KLHL28: variants seen among roughly 807,000 people sequenced by gnomAD.
KLHL28 encodes kelch-like protein 28.
A neutral mutation model predicts 48.3 loss-of-function variants in KLHL28; 22 were observed. That is an observed-to-expected ratio of 0.46 (90% confidence interval 0.33 to 0.65). KLHL28 has a LOEUF of 0.65. Among genes scored for constraint, KLHL28 ranks in the 30% least tolerant of loss-of-function variants. The pLI, the probability that KLHL28 is intolerant of heterozygous loss-of-function variation, is 0.03. For missense variants in KLHL28, 527 were observed against 704.3 expected (o/e 0.75, Z 2.85); for synonymous variants, 243 against 242.4 (o/e 1.00, Z -0.02).
rs777944814 is a variant in KLHL28, at chr14:44,924,585, G to T, written c.*4443C>A. 3 of 152,526 alleles carry T rather than the reference G, an allele frequency of 2.0e-5. No homozygotes were observed. Among genetic ancestry groups the T allele is most frequent in the Non-Finnish European group, 4.4e-5 (3 of 68,002 alleles). 9.4% of individuals were successfully genotyped at this position (152,526 alleles called of 1,614,324 possible). ...CACAACTAGATCACATTCTTTGCAA[G>T]AGAGTACAAATATTAGTACTCTACA... On this transcript the variant is annotated 3_prime_UTR_variant, in exon 5 of 5. Coordinates refer to ENST00000396128, the MANE Select transcript of KLHL28 (RefSeq NM_017658.5).
intron 2 of KLHL28, among the ~76,000 whole-genome samples, chr14:44,939,289 C>A (rs1883973063): frequency 6.6e-6 from 1 of 152,130 alleles, no homozygotes; most frequent in Non-Finnish European, 1.5e-5. Flanking sequence ...GGAGGTACAG[C>A]CTCAAAGATC....
chr14:44,940,983 C>T (rs1256553951), intron 2 of KLHL28, among the ~76,000 whole-genome samples: 1 of 151,972 alleles, frequency 6.6e-6, no homozygotes, highest in African/African-American at 2.4e-5. Flanking sequence ...GCCTGTAATC[C>T]CAGGTACTCA....
chr14:44,938,057 C>T lies in KLHL28; in HGVS notation c.900-3499G>A, dbSNP rs185918270. Among the ~76,000 whole-genome samples the T allele has an allele frequency of 3.3e-5, 5 of 152,270 alleles. No individual in the cohort carries two copies. In the East Asian group the frequency reaches 5.8e-4, roughly 18 times the overall value. On this transcript the variant is annotated intron_variant, in intron 2 of 4. Coordinates refer to ENST00000396128, the MANE Select transcript of KLHL28 (RefSeq NM_017658.5). ...AATTTTGCCCCTGGCCCTCAAAATT[C>T]GTGTCCTTCTCACATGCAAAATATA... is the stretch of plus-strand genomic sequence containing the variant.
rs1461092906 is a variant in KLHL28, at chr14:44,934,440, C to T, written c.1018G>A (p.Ala340Thr). 6.2e-7 allele frequency: 1 copy of T among 1,614,108 alleles called. No individual in the cohort carries two copies. The highest frequency in any genetic ancestry group is 1.1e-5 in the South Asian group (1 of 91,072). ...DQKVYVIGGIATNVRPGVTIR... is the reference protein window; with the variant it reads ...DQKVYVIGGITTNVRPGVTIR... ...GTGACGCCAGGACGCACATTAGTTG[C>T]AATACCACCTATAACATATACTTTT... is the stretch of plus-strand genomic sequence containing the variant. Residue 340 changes from alanine to threonine, a missense_variant, in exon 3 of 5, where the codon GCA (alanine) becomes ACA (threonine). By Grantham distance (58) the Ala-to-Thr change is moderately conservative. Coordinates refer to ENST00000396128, the MANE Select transcript of KLHL28 (RefSeq NM_017658.5).
At chr14:44,960,757 C>A (rs1885027259) in intron 1 of KLHL28, 3 of 130,490 alleles carry the variant, frequency 2.3e-5, no homozygotes, top group East Asian at 2.9e-4. Context: ...ATATTCAAAT[C>A]GTACTTTAAG....
Position 44,945,904 on chromosome 14 carries a change from T to G in KLHL28, c.25A>C (p.Met9Leu). The G allele has an allele frequency of 1.2e-6, 2 of 1,613,390 alleles. No individual in the cohort carries two copies. Among genetic ancestry groups the G allele is most frequent in the South Asian group, 2.2e-5 (2 of 91,082 alleles). The part of the protein sequence containing the change: MDHTSPTY[M>L]LANLTHLHSE... ...TGCAAGTGGGTTAAGTTAGCAAGCA[T>G]GTAGGTCGGGGATGTGTGGTCCATC... Residue 9 changes from methionine to leucine, a missense_variant, in exon 2 of 5, where the codon ATG becomes CTG. Transcript: ENST00000396128.
chr14:44,959,853 T>C (rs1335728581), intron 1 of KLHL28, among the ~76,000 whole-genome samples: 2 of 152,138 alleles, frequency 1.3e-5, no homozygotes, highest in Non-Finnish European at 2.9e-5. Flanking sequence ...GTACTCTCTC[T>C]ATATATGATT....
intron 1 of KLHL28, among the ~76,000 whole-genome samples, chr14:44,948,107 A>T (rs1884413802): frequency 1.3e-5 from 2 of 152,208 alleles, no homozygotes; most frequent in Admixed American, 6.5e-5. Context: ...AAAAGTAAAG[A>T]ATGAATAACA....
intron 1 of KLHL28, among the ~76,000 whole-genome samples, chr14:44,950,853 A>T (rs905680026): frequency 1.3e-5 from 2 of 152,194 alleles, no homozygotes; most frequent in African/African-American, 4.8e-5. Flanking sequence ...TATATCCATG[A>T]AATGCCTTTC....
At chr14:44,951,071 C>T (rs1884558741) in intron 1 of KLHL28, among the ~76,000 whole-genome samples, 1 of 152,194 alleles carries the variant, frequency 6.6e-6, no homozygotes, top group Admixed American at 6.5e-5. Flanking sequence ...CCTTGTCCCG[C>T]ACATCAAAAA....
intron 4 of KLHL28, 89 bp from the exon 5 acceptor site, chr14:44,929,280 T>C: frequency 8.9e-7 from 1 of 1,117,738 alleles, no homozygotes; most frequent in Non-Finnish European, 1.3e-6. Flanking sequence ...TTTTAATGTT[T>C]TATTAAAATA....
At position 44,927,652 on chromosome 14, in the gene KLHL28, A is replaced by G. The variant is rs1338652687; in HGVS notation, c.*1376T>C. On this transcript the variant is annotated 3_prime_UTR_variant, in exon 5 of 5. Coordinates refer to ENST00000396128, the MANE Select transcript of KLHL28 (RefSeq NM_017658.5). ...AAGCTGTCACTGGCTACAGCAAACA[A>G]TTTTGCTTTAAAAGATCATTTCTTT... The G allele has an allele frequency of 6.6e-6, 1 of 152,624 alleles. No homozygotes were observed. Among genetic ancestry groups the G allele is most frequent in the Non-Finnish European group, 1.5e-5 (1 of 68,014 alleles). The allele number at this position is 152,624 out of a possible 1,614,324, so 9.5% of individuals were successfully genotyped here.
At chr14:44,961,245 G>A (rs1416352270) in intron 1 of KLHL28, 2 of 218,244 alleles carry the variant, frequency 9.2e-6, no homozygotes, top group East Asian at 2.0e-4. Flanking sequence ...GTCTCTAGGA[G>A]ACTGAAAGGC....
chr14:44,929,632 T>A (rs1334271980), intron 4 of KLHL28, among the ~76,000 whole-genome samples: 2 of 152,082 alleles, frequency 1.3e-5, no homozygotes, highest in Non-Finnish European at 2.9e-5. Context: ...GGAATATATA[T>A]CTCCTGTGGG....
At chr14:44,938,856 T>C (rs1184187882) in intron 2 of KLHL28, among the ~76,000 whole-genome samples, 4 of 152,120 alleles carry the variant, frequency 2.6e-5, no homozygotes, top group African/African-American at 7.2e-5. Flanking sequence ...CAGGCTGACG[T>C]TGCACACTAC....
rs1404798108 is a variant in KLHL28, at chr14:44,924,861, T to C, written c.*4167A>G. ...AAAGACATATGGATAACAATTTTTC[T>C]CTCTGCAGAGATGTAAACTGGATTT... On this transcript the variant is annotated 3_prime_UTR_variant, in exon 5 of 5. Transcript: ENST00000396128. The C allele has an allele frequency of 6.6e-6, 1 of 152,618 alleles. No individual in the cohort carries two copies. The highest frequency in any genetic ancestry group is 6.5e-5 in the Admixed American group (1 of 15,278). 9.5% of individuals were successfully genotyped at this position (152,618 alleles called of 1,614,324 possible). A position where few individuals can be genotyped will look rare whatever the true frequency, so the allele number is the denominator to read the frequency against.
At chr14:44,951,360 T>C (rs1884572312) in intron 1 of KLHL28, among the ~76,000 whole-genome samples, 1 of 152,246 alleles carries the variant, frequency 6.6e-6, no homozygotes, top group Non-Finnish European at 1.5e-5. Context: ...GCTGCAGTCC[T>C]GAGGTCCAAG....
In KLHL28 at chr14:44,928,664, T is replaced by C. The variant is rs538805044; in HGVS notation, c.*364A>G. The C allele has an allele frequency of 5.3e-4, 74 of 138,728 alleles. No homozygotes were observed. The highest frequency in any genetic ancestry group is 1.2e-3 in the Admixed American group (15 of 12,346). 8.6% of individuals were successfully genotyped at this position (138,728 alleles called of 1,614,324 possible). Reference sequence around the variant, plus strand: ...CGCTCATCCTAGAAAATCATGGTTATCAGGGAAGGAGAGCTAAAATAAAAA... The same window carrying C: ...CGCTCATCCTAGAAAATCATGGTTACCAGGGAAGGAGAGCTAAAATAAAAA... On this transcript the variant is annotated 3_prime_UTR_variant, in exon 5 of 5. Transcript: ENST00000396128.
chr14:44,943,345 A>T (rs891286518), intron 2 of KLHL28, among the ~76,000 whole-genome samples: 1 of 152,332 alleles, frequency 6.6e-6, no homozygotes, highest in African/African-American at 2.4e-5. Context: ...CAACAATACT[A>T]GTTTCAGGTT....
Sources: allele counts gnomAD v4.1 joint callset (sites outside exome capture counted in the v4.1 genomes callset), GRCh38; gene constraint gnomAD v4.1.1; transcripts MANE v1.5; gene names NCBI Gene and HGNC (gene_info 2026-07-23, HGNC 2026-07-21).